The following GFM2 variants were observed in gnomAD, a reference collection of about 807,000 sequenced individuals.
GFM2 encodes ribosome-releasing factor 2, mitochondrial.
In GFM2, 72 loss-of-function variants were observed where a neutral mutation model predicts 95.4. That is an observed-to-expected ratio of 0.76 (90% CI 0.62 to 0.92). The LOEUF is 0.92. Among genes scored for constraint, GFM2 ranks in the 40% least tolerant of loss-of-function variants. GFM2 has a pLI of 0.00. For synonymous variants in GFM2, 276 were observed against 317.5 expected, an observed-to-expected ratio of 0.87 and a Z score of 1.39; for missense variants, 825 against 924.1, an observed-to-expected ratio of 0.89 and a Z score of 1.39.
chr5:74,765,948 G>A (rs564712548), intron 1 of GFM2, among the ~76,000 whole-genome samples: 66 of 152,240 alleles, frequency 4.3e-4, no homozygotes, highest in Non-Finnish European at 7.9e-4. Context: ...GCAGTGAGAC[G>A]AGATGGCGCA....
chr5:74,758,184 G>A (rs1009940236), intron 5 of GFM2, among the ~76,000 whole-genome samples: 3 of 151,748 alleles, frequency 2.0e-5, no homozygotes, highest in Non-Finnish European at 1.5e-5. Context: ...TACTTTTTTT[G>A]GTTCTTTTCT....
chr5:74,765,359 C>A (rs1419029325), intron 1 of GFM2, among the ~76,000 whole-genome samples: 2 of 152,134 alleles, frequency 1.3e-5, no homozygotes, highest in East Asian at 3.9e-4. Flanking sequence ...CTGCCTCTAC[C>A]GTAGTCAGGG....
intron 16 of GFM2, among the ~76,000 whole-genome samples, chr5:74,732,766 A>C (rs779981534): frequency 7.9e-5 from 12 of 152,184 alleles, no homozygotes; most frequent in Non-Finnish European, 1.8e-4. Flanking sequence ...TGTCTTCAGG[A>C]ATGGTAAAAA....
At chr5:74,759,286 A>G in intron 4 of GFM2, 83 bp downstream of exon 4, 1 of 785,864 alleles carries the variant, frequency 1.3e-6, no homozygotes, top group South Asian at 1.6e-5. Context: ...TAGAAATTAC[A>G]GCATTCACTC....
intron 16 of GFM2, among the ~76,000 whole-genome samples, chr5:74,731,088 C>A (rs1273738021): frequency 6.6e-6 from 1 of 152,204 alleles, no homozygotes; most frequent in Non-Finnish European, 1.5e-5. Flanking sequence ...GGTGGGATTA[C>A]AGGCGTGAGC....
chr5:74,758,805 C>T (rs538288086), intron 5 of GFM2, 44 bp downstream of exon 5: 5 of 1,215,688 alleles, frequency 4.1e-6, no homozygotes, highest in South Asian at 2.4e-5. Context: ...TCCAATGATG[C>T]TTTTGCTAAT....
chr5:74,751,373 G>A lies in GFM2; in HGVS notation c.425C>T (p.Thr142Ile), dbSNP rs754472903. 6.2e-7 allele frequency: 1 copy of A among 1,612,394 alleles called. No individual in the cohort carries two copies. Among genetic ancestry groups the A allele is most frequent in the South Asian group, 1.1e-5 (1 of 90,886 alleles). Residue 142 changes from threonine (T) to isoleucine (I), a missense_variant, in exon 6 of 21, where the codon ACA (threonine) becomes ATA (isoleucine). Physicochemically the swap from Thr to Ile is moderately conservative, Grantham distance 89. Transcript: ENST00000296805. ...WKGYRVNLID[T>I]PGHVDFTLEV... ...TTACTGGAATCGTACCATACCTGGT[G>A]TATCAATTAGATTGACTCTATAACC...
chr5:74,755,142 T>C (rs1268367195), intron 5 of GFM2, among the ~76,000 whole-genome samples: 2 of 152,066 alleles, frequency 1.3e-5, no homozygotes. Flanking sequence ...CAAAAAGACT[T>C]AATAAATATT....
At chr5:74,745,039 C>T (rs930316232) in intron 10 of GFM2, among the ~76,000 whole-genome samples, 3 of 151,968 alleles carry the variant, frequency 2.0e-5, no homozygotes, top group African/African-American at 4.8e-5. Context: ...TTATGGTAAA[C>T]TAAAGAAAAG....
At chr5:74,739,749 C>A (rs914812963) in intron 12 of GFM2, among the ~76,000 whole-genome samples, 1 of 152,138 alleles carries the variant, frequency 6.6e-6, no homozygotes, top group African/African-American at 2.4e-5. Flanking sequence ...AGGGTCAACA[C>A]TTACACTTTT....
At chr5:74,731,109 G>A (rs950926288) in intron 16 of GFM2, among the ~76,000 whole-genome samples, 6 of 152,148 alleles carry the variant, frequency 3.9e-5, no homozygotes, top group Admixed American at 2.6e-4. Context: ...CACCGCACCC[G>A]GCCAAAGCCC....
intron 5 of GFM2, among the ~76,000 whole-genome samples, chr5:74,751,910 T>C (rs548539151): frequency 6.6e-6 from 1 of 152,276 alleles, no homozygotes; most frequent in African/African-American, 2.4e-5. Context: ...CTCTATGATC[T>C]TGAGGCAAAC....
At chr5:74,738,680 AC>A (rs1742963703) in intron 12 of GFM2, 38 bp from the exon 13 acceptor site, 13 of 1,560,648 alleles carry the variant, frequency 8.3e-6, no homozygotes, top group Non-Finnish European at 1.1e-5. Flanking sequence ...TATAAAATAC[AC>A]TTCCCATAAC....
intron 14 of GFM2, 133 bp from the exon 15 acceptor site, chr5:74,737,118 C>T (rs1451392517): frequency 1.3e-6 from 1 of 787,378 alleles, no homozygotes; most frequent in African/African-American, 1.7e-5. Flanking sequence ...AAATAAAATT[C>T]AAAAAGCTCA....
intron 5 of GFM2, among the ~76,000 whole-genome samples, chr5:74,753,907 C>T (rs1743842740): frequency 6.6e-6 from 1 of 152,104 alleles, no homozygotes; most frequent in African/African-American, 2.4e-5. Flanking sequence ...CGTTTAGGCA[C>T]AGAGTCATCA....
At chr5:74,750,360 C>T (rs1266864212) in intron 7 of GFM2, among the ~76,000 whole-genome samples, 1 of 152,182 alleles carries the variant, frequency 6.6e-6, no homozygotes, top group Non-Finnish European at 1.5e-5. Flanking sequence ...TCTGATCTCT[C>T]AAAGTTCTTG....
chr5:74,745,691 G>A lies in GFM2; in HGVS notation c.836C>T (p.Ala279Val), dbSNP rs267600685. ...ATTATACTTTACTTGTTCAATTAAG[G>A]CATTCCTTGCTTCAGTTGTTTCCTT... ...LLKETTEARNALIEQVADLDD... is the reference protein window; with the variant it reads ...LLKETTEARNVLIEQVADLDD... Residue 279 changes from alanine to valine, a missense_variant, in exon 10 of 21, where the codon GCC (alanine) becomes GTC (valine). By Grantham distance (64) the Ala-to-Val change is moderately conservative. Coordinates refer to ENST00000296805, the MANE Select transcript of GFM2 (RefSeq NM_032380.5). 1 of 1,611,112 alleles carries A rather than the reference G, an allele frequency of 6.2e-7. No homozygotes were observed. Among genetic ancestry groups the A allele is most frequent in the African/African-American group, 1.3e-5 (1 of 74,776 alleles).
rs760194171 is a variant in GFM2 at position 74,751,445 on chromosome 5, TC to T, written c.352del (p.Glu118LysfsTer22). 6.2e-6 allele frequency: 10 copies of T among 1,610,440 alleles called. No homozygotes were observed. The highest frequency in any genetic ancestry group is 7.6e-6 in the Non-Finnish European group (9 of 1,176,716). On this transcript the variant is annotated frameshift_variant, in exon 6 of 21. Transcript: ENST00000296805. LOFTEE classifies it high-confidence loss of function. Reference protein sequence around the residue: ...TVTDFMAQERERGITIQSAAV... With the variant: ...TVTDFMAQERXRGITIQSAAV... ...AGCTGATTGAATAGTAATGCCTCTT[TC>T]TCGCTCTTGGGCCATGAAATCTGTC...
chr5:74,734,251 A>T (rs1043549748), intron 15 of GFM2, among the ~76,000 whole-genome samples: 1 of 152,094 alleles, frequency 6.6e-6, no homozygotes, highest in African/African-American at 2.4e-5. Context: ...CAGTAATATT[A>T]ATAATTTTAA....
Sources: gnomAD v4.1 joint callset for allele counts (sites outside exome capture counted in the v4.1 genomes callset) on GRCh38, gnomAD v4.1.1 for gene constraint, MANE v1.5 for transcripts, NCBI Gene and HGNC (gene_info 2026-07-23, HGNC 2026-07-21) for gene names.